The following CFAP47 variants were observed in gnomAD, a reference collection of about 807,000 sequenced individuals.
CFAP47 encodes the protein cilia- and flagella-associated protein 47.
Under a neutral mutation model 148.1 loss-of-function variants are expected in CFAP47, and 29 were observed. The ratio of observed to expected loss-of-function variants is 0.20; its 90% confidence interval spans 0.15 to 0.27. The LOEUF (loss-of-function observed/expected upper bound fraction) is 0.27, where lower values mean the gene tolerates loss of function less well. Among genes scored for constraint, CFAP47 ranks in the 10% least tolerant of loss-of-function variants. The pLI, the probability that CFAP47 is intolerant of heterozygous loss-of-function variation, is 1.00. For synonymous variants in CFAP47, 664 were observed against 577.3 expected (o/e 1.15, Z -2.15); for missense variants, 1,872 against 1,697.5 (o/e 1.10, Z -1.81).
intron 49 of CFAP47, among the ~76,000 whole-genome samples, chrX:36,254,447 A>G (rs6527546): frequency 0.34 from 37,212 of 109,621 alleles, 7,020 homozygotes; most frequent in African/African-American, 0.72. Context: ...CTGAGGAGGC[A>G]AGAGGTATGA....
Position 36,071,972 on chromosome X carries a change from G to C in CFAP47, c.4465+1G>C, listed in dbSNP as rs769390333. The stretch of plus-strand genomic sequence containing the variant: ...CCTGCAAAGGGAAACTTATTTATTG[G>C]TATGTAGCAAATATATAGTGTACTT... On this transcript the variant is annotated splice_donor_variant, in intron 28 of 63. Coordinates refer to ENST00000378653, the MANE Select transcript of CFAP47 (RefSeq NM_001304548.2). LOFTEE classifies it high-confidence loss of function. 1.1e-5 allele frequency: 13 copies of C among 1,194,192 alleles called. No individual in the cohort carries two copies. The highest frequency in any genetic ancestry group is 1.8e-5 in the African/African-American group (1 of 56,781).
chrX:36,105,363 T>C (rs1392024821), intron 33 of CFAP47, among the ~76,000 whole-genome samples: 1 of 111,921 alleles, frequency 8.9e-6, no homozygotes. Context: ...ATTCAACTCC[T>C]TTCTTCCAAG....
intron 25 of CFAP47, among the ~76,000 whole-genome samples, chrX:36,043,592 A>G (rs1937430810): frequency 8.8e-6 from 1 of 113,144 alleles, no homozygotes; most frequent in Non-Finnish European, 1.9e-5. Context: ...CTTTGACTCT[A>G]TGTCTCACAT....
chrX:35,971,173 A>G (rs1437941143), intron 11 of CFAP47, among the ~76,000 whole-genome samples: 4 of 112,119 alleles, frequency 3.6e-5, no homozygotes, highest in Non-Finnish European at 5.6e-5. Context: ...TGATTTATGG[A>G]GTGTGTGCTC....
intron 49 of CFAP47, among the ~76,000 whole-genome samples, chrX:36,257,653 G>C (rs1445960079): frequency 9.0e-6 from 1 of 110,750 alleles, no homozygotes; most frequent in Non-Finnish European, 1.9e-5. Flanking sequence ...GAACTGCTGG[G>C]CTCAAGCAAT....
intron 30 of CFAP47, 38 bp from the exon 31 acceptor site, chrX:36,098,755 A>G (rs1288292952): frequency 2.8e-6 from 2 of 725,665 alleles, no homozygotes; most frequent in Admixed American, 2.8e-5. Flanking sequence ...GAACATGTAT[A>G]TTATATTATA....
chrX:36,320,473 T>C (rs1348805042), intron 57 of CFAP47, among the ~76,000 whole-genome samples: 3 of 111,975 alleles, frequency 2.7e-5, no homozygotes, highest in Non-Finnish European at 5.6e-5. Context: ...CAGGTGGATG[T>C]TATTATTATT....
At chrX:36,188,959 T>G (rs1463247469) in intron 41 of CFAP47, among the ~76,000 whole-genome samples, 1 of 111,611 alleles carries the variant, frequency 9.0e-6, no homozygotes, top group Non-Finnish European at 1.9e-5. Flanking sequence ...ATGGCCTATA[T>G]GTCTCTTCTG....
chrX:36,013,411 A>G (rs1458086526), intron 21 of CFAP47, among the ~76,000 whole-genome samples: 2 of 112,291 alleles, frequency 1.8e-5, no homozygotes, highest in Non-Finnish European at 3.8e-5. Context: ...AACTTTTTAA[A>G]AAATGTGCAT....
At chrX:35,999,464 A>T (rs976232102) in intron 19 of CFAP47, among the ~76,000 whole-genome samples, 2 of 112,184 alleles carry the variant, frequency 1.8e-5, no homozygotes, top group East Asian at 5.6e-4. Flanking sequence ...TTCCTTGTTT[A>T]TTTAAGGTAG....
At chrX:36,235,845 A>G in intron 46 of CFAP47, 89 bp from the exon 47 acceptor site, 1 of 398,942 alleles carries the variant, frequency 2.5e-6, no homozygotes, top group Non-Finnish European at 4.4e-6. Context: ...TACAATATAT[A>G]ATGCTATAGA....
chrX:36,021,305 T>A (rs962821541), intron 22 of CFAP47, among the ~76,000 whole-genome samples: 54 of 109,894 alleles, frequency 4.9e-4, no homozygotes, highest in African/African-American at 1.7e-3. Flanking sequence ...GTCCTTTTTT[T>A]AATTTTTCTC....
intron 39 of CFAP47, among the ~76,000 whole-genome samples, chrX:36,171,692 T>C (rs1240095714): frequency 8.9e-6 from 1 of 111,957 alleles, no homozygotes; most frequent in African/African-American, 3.3e-5. Context: ...ACTGTTTTGG[T>C]TACTGTAGCC....
At chrX:36,118,983 G>A (rs1314197864) in intron 33 of CFAP47, among the ~76,000 whole-genome samples, 4 of 111,659 alleles carry the variant, frequency 3.6e-5, no homozygotes, top group Non-Finnish European at 3.8e-5. Flanking sequence ...GGAATCTTTA[G>A]GTTTCTCCAA....
chrX:36,036,669 T>G (rs763843198), intron 24 of CFAP47, among the ~76,000 whole-genome samples: 4 of 111,985 alleles, frequency 3.6e-5, no homozygotes, highest in Admixed American at 1.9e-4. Flanking sequence ...ATTAGACTTA[T>G]AAAATACCCA....
At chrX:35,924,541 ACC>A (rs1569202360) in intron 1 of CFAP47, among the ~76,000 whole-genome samples, 6 of 103,247 alleles carry the variant, frequency 5.8e-5, no homozygotes, top group Non-Finnish European at 9.8e-5. Flanking sequence ...ATATATGTGC[ACC>A]TATATGTGTA....
At chrX:36,207,344 G>T (rs1202302501) in intron 45 of CFAP47, among the ~76,000 whole-genome samples, 2 of 110,223 alleles carry the variant, frequency 1.8e-5, no homozygotes, top group African/African-American at 6.6e-5. Flanking sequence ...AGAAACAAAT[G>T]ACAAGAATTT....
intron 49 of CFAP47, among the ~76,000 whole-genome samples, chrX:36,259,489 C>A (rs781976555): frequency 1.8e-5 from 2 of 111,008 alleles, no homozygotes; most frequent in East Asian, 2.8e-4. Context: ...TAACTATTAA[C>A]AGCAACTACA....
chrX:36,054,372 G>T (rs1456857563), intron 26 of CFAP47, among the ~76,000 whole-genome samples: 2 of 111,957 alleles, frequency 1.8e-5, no homozygotes, highest in Non-Finnish European at 3.8e-5. Context: ...CTTACAAAGG[G>T]TGTTATTAGA....
Sources: gnomAD v4.1 joint callset for allele counts (sites outside exome capture counted in the v4.1 genomes callset) on GRCh38, gnomAD v4.1.1 for gene constraint, MANE v1.5 for transcripts, NCBI Gene and HGNC (gene_info 2026-07-23, HGNC 2026-07-21) for gene names.